Variants in MAP3K20 observed in about 807,000 individuals in gnomAD.
The protein encoded by MAP3K20 is mitogen-activated protein kinase kinase kinase 20, also known as HCCS-4.
Under a neutral mutation model 85.7 loss-of-function variants are expected in MAP3K20, and 40 were observed. That is an observed-to-expected ratio of 0.47 (90% CI 0.36 to 0.61). The LOEUF is 0.61. MAP3K20 is among the 20% of genes least tolerant of loss of function. The probability of loss-of-function intolerance (pLI) is 0.00; values close to 1 mark genes in which losing one functional copy is unlikely to be tolerated. For missense variants in MAP3K20, 817 were observed against 961.7 expected (o/e 0.85, Z 1.99); for synonymous variants, 325 against 327.7 (o/e 0.99, Z 0.09).
chr2:173,263,853 T>G lies in MAP3K20; in HGVS notation c.1660T>G (p.Phe554Val), dbSNP rs1685351943. Reference protein sequence around the residue: ...KAVQLAIQTLFTNSDGNPGSR... With the variant: ...KAVQLAIQTLVTNSDGNPGSR... ...AGTCCAACTTGCCATTCAGACATTA[T>G]TCACCAATTCAGATGGCAACCCTGG... The change falls in exon 19 of 20, where the codon TTC (phenylalanine) becomes GTC (valine). Residue 554 changes from phenylalanine (F) to valine (V), a missense_variant. This residue lies in a region of MAP3K20 where 454 missense variants were observed against 476.9 expected (regional missense o/e 0.95). Coordinates refer to ENST00000375213, the MANE Select transcript of MAP3K20 (RefSeq NM_016653.3). The G allele has an allele frequency of 6.2e-7, 1 of 1,613,356 alleles. No individual in the cohort carries two copies. The highest frequency in any genetic ancestry group is 1.3e-5 in the African/African-American group (1 of 74,912).
intron 11 of MAP3K20, chr2:173,221,171 A>G (rs758594390): frequency 9.2e-6 from 14 of 1,528,488 alleles, no homozygotes; most frequent in Admixed American, 3.9e-5. Flanking sequence ...TCTTGCTGCA[A>G]GAATGTCTGA....
At chr2:173,222,518 T>A (rs981810268) in intron 11 of MAP3K20, 1 of 985,818 alleles carries the variant, frequency 1.0e-6, no homozygotes. Flanking sequence ...GAGGTGGTCT[T>A]AAGGGGATGC....
chr2:173,220,411 CA>C (rs1204946121), intron 11 of MAP3K20, among the ~76,000 whole-genome samples: 1 of 152,184 alleles, frequency 6.6e-6, no homozygotes, highest in African/African-American at 2.4e-5. Flanking sequence ...CGTATTAGAA[CA>C]ATCTAAATTA....
At chr2:173,159,178 A>G (rs1387104798) in intron 2 of MAP3K20, among the ~76,000 whole-genome samples, 1 of 152,194 alleles carries the variant, frequency 6.6e-6, no homozygotes. Context: ...GTAGATGCCT[A>G]ATCCTTCATT....
chr2:173,243,172 A>C (rs1684832414), intron 16 of MAP3K20, among the ~76,000 whole-genome samples: 1 of 152,168 alleles, frequency 6.6e-6, no homozygotes, highest in South Asian at 2.1e-4. Context: ...ACAAAACGCT[A>C]TGGTACATAC....
At chr2:173,206,828 ATTTCCTGAGTGGTACATCCAT>A (rs1683702238) in intron 9 of MAP3K20, among the ~76,000 whole-genome samples, 1 of 152,144 alleles carries the variant, frequency 6.6e-6, no homozygotes, top group Non-Finnish European at 1.5e-5. Context: ...ACCACAGTAA[ATTTCCTGAGTGGTACATCCAT>A]TTTCTGGCTA....
At chr2:173,079,662 T>A (rs996996487) in intron 1 of MAP3K20, among the ~76,000 whole-genome samples, 9 of 124,500 alleles carry the variant, frequency 7.2e-5, no homozygotes, top group African/African-American at 2.3e-4. Flanking sequence ...TAAAAAAAAA[T>A]TTGTTTTGCT....
intron 16 of MAP3K20, among the ~76,000 whole-genome samples, chr2:173,243,918 G>A (rs1393193581): frequency 1.3e-5 from 2 of 152,172 alleles, no homozygotes; most frequent in African/African-American, 2.4e-5. Flanking sequence ...GAGTCACTGC[G>A]CCCGGCCCAG....
rs759904937 is a variant in MAP3K20, at chr2:173,209,843, G to A, written c.851+8G>A. The A allele has an allele frequency of 6.2e-7, 1 of 1,611,826 alleles. No homozygotes were observed. Among genetic ancestry groups the A allele is most frequent in the Non-Finnish European group, 8.5e-7 (1 of 1,177,994 alleles). ...CAACAAGGCGGAGTGGAGGTGGGTA[G>A]CCCCGACAGCAGGCCACAGCGTCTG... is the stretch of plus-strand genomic sequence containing the variant. On this transcript the variant is annotated splice_region_variant and intron_variant, in intron 10 of 19. Transcript: ENST00000375213.
intron 16 of MAP3K20, among the ~76,000 whole-genome samples, chr2:173,256,624 C>T (rs980128042): frequency 1.3e-5 from 2 of 151,830 alleles, no homozygotes; most frequent in African/African-American, 2.4e-5. Context: ...TTTGTTTATC[C>T]CCAAACGTTT....
chr2:173,105,063 G>A (rs1335673758), intron 2 of MAP3K20, among the ~76,000 whole-genome samples: 3 of 152,182 alleles, frequency 2.0e-5, no homozygotes, highest in Non-Finnish European at 2.9e-5. Flanking sequence ...AAGAGCCTCC[G>A]ACCTAAATTG....
intron 3 of MAP3K20, among the ~76,000 whole-genome samples, chr2:173,176,649 G>A (rs1465364022): frequency 1.3e-5 from 2 of 152,110 alleles, no homozygotes; most frequent in East Asian, 3.8e-4. Flanking sequence ...AGACTAAGAA[G>A]GACAGGGGAC....
At chr2:173,209,648 A>G (rs1683813166) in intron 9 of MAP3K20, 81 bp from the exon 10 acceptor site, 2 of 1,161,236 alleles carry the variant, frequency 1.7e-6, no homozygotes, top group Non-Finnish European at 2.4e-6. Flanking sequence ...GTTTATTACT[A>G]TGCTTGTAGT....
At chr2:173,180,034 T>G (rs1690279970) in intron 3 of MAP3K20, among the ~76,000 whole-genome samples, 1 of 152,208 alleles carries the variant, frequency 6.6e-6, no homozygotes, top group Admixed American at 6.5e-5. Context: ...AAGAGGGCAG[T>G]TCTCCCCAAA....
chr2:173,185,224 G>A (rs1474128506), intron 4 of MAP3K20, among the ~76,000 whole-genome samples: 1 of 152,120 alleles, frequency 6.6e-6, no homozygotes, highest in South Asian at 2.1e-4. Flanking sequence ...CTGGGCGACC[G>A]AGTGAGACTC....
chr2:173,161,092 A>G (rs1238743051), intron 2 of MAP3K20, among the ~76,000 whole-genome samples: 1 of 152,234 alleles, frequency 6.6e-6, no homozygotes, highest in Non-Finnish European at 1.5e-5. Context: ...AAAACCCTAC[A>G]TTTAAGTACA....
chr2:173,114,941 A>C (rs1292771686), intron 2 of MAP3K20, among the ~76,000 whole-genome samples: 1 of 152,122 alleles, frequency 6.6e-6, no homozygotes, highest in African/African-American at 2.4e-5. Context: ...CTTGTATTTG[A>C]ATGTCTAGGT....
chr2:173,226,296 A>G, intron 11 of MAP3K20: 1 of 985,354 alleles, frequency 1.0e-6, no homozygotes, highest in Non-Finnish European at 1.2e-6. Flanking sequence ...TTTATGAAAG[A>G]CAGTTTTAAA....
At chr2:173,187,527 A>G (rs1690523318) in intron 4 of MAP3K20, 31 bp from the exon 5 acceptor site, 4 of 1,565,018 alleles carry the variant, frequency 2.6e-6, no homozygotes, top group Admixed American at 2.0e-5. Flanking sequence ...GAAAAATATT[A>G]ATAGGCCTTT....
Sources: allele counts gnomAD v4.1 joint callset (sites outside exome capture counted in the v4.1 genomes callset), GRCh38; gene constraint gnomAD v4.1.1; regional missense constraint gnomAD v4.1.1; transcripts MANE v1.5; gene names NCBI Gene and HGNC (gene_info 2026-07-23, HGNC 2026-07-21).